GSG1: variants seen among roughly 807,000 people sequenced by gnomAD.
GSG1 encodes germ cell associated 1.
Under a neutral mutation model 30.8 loss-of-function variants are expected in GSG1, and 28 were observed. That is an observed-to-expected ratio of 0.91 (90% CI 0.67 to 1.25). GSG1 has a LOEUF of 1.25. Ranked by LOEUF, GSG1 falls within the 50% of genes most tolerant of loss-of-function variation. The probability of loss-of-function intolerance (pLI) is 0.00; values close to 1 mark genes in which losing one functional copy is unlikely to be tolerated. For synonymous variants in GSG1, 162 were observed against 178.0 expected, an observed-to-expected ratio of 0.91 and a Z score of 0.71; for missense variants, 435 against 444.7, an observed-to-expected ratio of 0.98 and a Z score of 0.20.
At chr12:13,095,853 G>T in intron 1 of GSG1, 1 of 1,333,456 alleles carries the variant, frequency 7.5e-7, no homozygotes, top group Non-Finnish European at 9.9e-7. Flanking sequence ...ACACCAGAGA[G>T]CTTGCCAATG....
chr12:13,095,447 C>A (rs1866581043), intron 1 of GSG1: 1 of 814,594 alleles, frequency 1.2e-6, no homozygotes, highest in Non-Finnish European at 2.1e-6. Flanking sequence ...AATCAGTAAC[C>A]CTTACATCAG....
chr12:13,087,815 C>T (rs1865680809), intron 5 of GSG1, 92 bp downstream of exon 5: 3 of 1,348,750 alleles, frequency 2.2e-6, no homozygotes, highest in South Asian at 1.5e-5. Flanking sequence ...CCTTTGGGCT[C>T]CTCCCCTTCA....
rs1479932398 is a variant in GSG1 at position 13,084,959 on chromosome 12, C to T, written c.1031G>A (p.Gly344Glu). The T allele has an allele frequency of 4.5e-6, 7 of 1,551,752 alleles. No homozygotes were observed. The highest frequency in any genetic ancestry group is 4.1e-5 in the African/African-American group (3 of 73,044). The change falls in exon 7 of 7, where the codon GGG becomes GAG. Residue 344 changes from glycine (G) to glutamate (E), a missense_variant. By Grantham distance (98) the Gly-to-Glu change is moderately conservative. Coordinates refer to ENST00000651961, the MANE Select transcript of GSG1 (RefSeq NM_001080555.4). Reference sequence around the variant, plus strand: ...TGCTTCTTTCAGCTCCTGGCTGGCCCCTCTTTGAAATCCCTTGTTCCGCAG... The same window carrying T: ...TGCTTCTTTCAGCTCCTGGCTGGCCTCTCTTTGAAATCCCTTGTTCCGCAG... ...SELRNKGFQR[G>E]ASQELKEAVR...
chr12:13,084,981 G>A lies in GSG1; in HGVS notation c.1009C>T (p.Arg337Trp). ...SEGVDFYSEL[R>W]NKGFQRGASQ... ...GCCCCTCTTTGAAATCCCTTGTTCCGCAGCTCGGAGTAGAAGTCGACTCCC... is the reference window on the plus strand; with the variant it reads ...GCCCCTCTTTGAAATCCCTTGTTCCACAGCTCGGAGTAGAAGTCGACTCCC... The change falls in exon 7 of 7, where the codon CGG becomes TGG. Residue 337 changes from arginine to tryptophan, a missense_variant. By Grantham distance (101) the Arg-to-Trp change is moderately radical. Transcript: ENST00000651961. 1.3e-6 allele frequency: 2 copies of A among 1,552,324 alleles called. No individual in the cohort carries two copies. Among genetic ancestry groups the A allele is most frequent in the Non-Finnish European group, 1.7e-6 (2 of 1,147,260 alleles).
In GSG1 at chr12:13,095,648, C is replaced by T. The variant is rs371636819; in HGVS notation, c.49-4830G>A. 4.1e-5 allele frequency: 66 copies of T among 1,614,122 alleles called. No homozygotes were observed. The African/African-American group carries it at 8.7e-4, about 21-fold the overall frequency. Reference sequence around the variant, plus strand: ...GCTTGTCTGGAAGAACCGAAGGATGCCATCTGCACTCCAAGTCCCTTTGGT... The same window carrying T: ...GCTTGTCTGGAAGAACCGAAGGATGTCATCTGCACTCCAAGTCCCTTTGGT... On this transcript the variant is annotated intron_variant, in intron 1 of 6. Coordinates refer to ENST00000651961, the MANE Select transcript of GSG1 (RefSeq NM_001080555.4).
At chr12:13,089,387 G>A (rs1487063709) in intron 2 of GSG1, 111 bp from the exon 3 acceptor site, 1 of 1,519,080 alleles carries the variant, frequency 6.6e-7, no homozygotes, top group South Asian at 1.2e-5. Flanking sequence ...AATTGTTCAT[G>A]ATTCTGGGCA....
intron 4 of GSG1, among the ~76,000 whole-genome samples, chr12:13,088,276 C>T (rs190800821): frequency 6.7e-6 from 1 of 148,434 alleles, no homozygotes; most frequent in Non-Finnish European, 1.5e-5. Context: ...CCCAAGTAAG[C>T]TTGACTGACT....
chr12:13,099,758 T>TTG (rs1863041677), intron 1 of GSG1, among the ~76,000 whole-genome samples: 1 of 133,856 alleles, frequency 7.5e-6, no homozygotes, highest in Non-Finnish European at 1.5e-5. Context: ...TTGTTTTTTT[T>TTG]TTTTTTTTTT....
chr12:13,088,714 G>A, intron 4 of GSG1, 148 bp downstream of exon 4: 2 of 1,604,702 alleles, frequency 1.2e-6, no homozygotes, highest in Non-Finnish European at 1.7e-6. Context: ...GGTAACTACT[G>A]TAAATTCCTT....
chr12:13,085,332 G>A (rs1046273405), intron 6 of GSG1, 89 bp from the exon 7 acceptor site: 4 of 1,209,882 alleles, frequency 3.3e-6, no homozygotes, highest in Non-Finnish European at 3.4e-6. Context: ...TAGTGGACTA[G>A]CTTATTGCCT....
chr12:13,091,553 A>C (rs1591639035), intron 1 of GSG1, among the ~76,000 whole-genome samples: 3 of 152,196 alleles, frequency 2.0e-5, no homozygotes, highest in African/African-American at 7.2e-5. Flanking sequence ...AAAATAAAAA[A>C]ATTAGCCGGG....
At position 13,084,818 on chromosome 12, in the gene GSG1, A is replaced by T; in HGVS notation, c.*83T>A. The T allele has an allele frequency of 1.1e-6, 1 of 883,748 alleles. No individual in the cohort carries two copies. Among genetic ancestry groups the T allele is most frequent in the Non-Finnish European group, 1.7e-6 (1 of 577,346 alleles). The allele number at this position is 883,748 out of a possible 1,614,324, so 54.7% of individuals were successfully genotyped here. A position where few individuals can be genotyped will look rare whatever the true frequency, so the allele number is the denominator to read the frequency against. On this transcript the variant is annotated 3_prime_UTR_variant, in exon 7 of 7. Transcript: ENST00000651961. Reference sequence around the variant, plus strand: ...AGCCTCTAAAAACCATGCTCAAGAGACGGATGTTGGCTTAAGCACATGTTG... The same window carrying T: ...AGCCTCTAAAAACCATGCTCAAGAGTCGGATGTTGGCTTAAGCACATGTTG...
At chr12:13,088,096 G>A (rs1283236906) in intron 4 of GSG1, 37 bp from the exon 5 acceptor site, 1 of 1,612,354 alleles carries the variant, frequency 6.2e-7, no homozygotes, top group African/African-American at 1.3e-5. Context: ...CGCTCACCCT[G>A]ACAGTTAAAA....
Position 13,103,624 on chromosome 12 carries a change from G to T in GSG1, c.-112C>A. 1 of 1,131,018 alleles carries T rather than the reference G, an allele frequency of 8.8e-7. No individual in the cohort carries two copies. Among genetic ancestry groups the T allele is most frequent in the South Asian group, 1.3e-5 (1 of 75,714 alleles). The allele number at this position is 1,131,018 out of a possible 1,614,324, so 70.1% of individuals were successfully genotyped here. On this transcript the variant is annotated 5_prime_UTR_variant, in exon 1 of 7. In the 5' UTR this introduces an upstream ATG that the reference lacks. Coordinates refer to ENST00000651961, the MANE Select transcript of GSG1 (RefSeq NM_001080555.4). ...GGATGAATCAGGTCCCCTCTTGCCA[G>T]CAGAGGGGTAAGGTGGTGTGTGGTG...
At chr12:13,092,039 A>G (rs547595829) in intron 1 of GSG1, among the ~76,000 whole-genome samples, 1 of 152,340 alleles carries the variant, frequency 6.6e-6, no homozygotes, top group Non-Finnish European at 1.5e-5. Context: ...CATAGATTGA[A>G]TGACAGGGGC....
intron 3 of GSG1, 60 bp from the exon 4 acceptor site, chr12:13,088,969 C>T: frequency 2.5e-6 from 4 of 1,587,582 alleles, no homozygotes; most frequent in South Asian, 1.1e-5. Context: ...GAATGAAAAC[C>T]TTCCCCACCC....
At chr12:13,089,314 A>G (rs1865861686) in intron 2 of GSG1, 38 bp from the exon 3 acceptor site, 2 of 1,550,184 alleles carry the variant, frequency 1.3e-6, no homozygotes, top group African/African-American at 2.7e-5. Flanking sequence ...GTAAATACAC[A>G]CATTTTTTTA....
chr12:13,098,171 G>T (rs1400883916), intron 1 of GSG1, among the ~76,000 whole-genome samples: 1 of 151,676 alleles, frequency 6.6e-6, no homozygotes, highest in Non-Finnish European at 1.5e-5. Context: ...TGCATTGGCG[G>T]TTGGTTTCCT....
At chr12:13,089,725 A>G (rs769052272) in intron 2 of GSG1, among the ~76,000 whole-genome samples, 1 of 152,188 alleles carries the variant, frequency 6.6e-6, no homozygotes, top group African/African-American at 2.4e-5. Context: ...TGATGCTTTC[A>G]TCTCACAAAT....
Sources: allele counts gnomAD v4.1 joint callset (sites outside exome capture counted in the v4.1 genomes callset), GRCh38; gene constraint gnomAD v4.1.1; transcripts MANE v1.5; gene names NCBI Gene and HGNC (gene_info 2026-07-23, HGNC 2026-07-21).